The following CDK15 variants were observed in gnomAD, a reference collection of about 807,000 sequenced individuals.
The protein encoded by CDK15 is cyclin-dependent kinase 15.
A neutral mutation model predicts 60.3 loss-of-function variants in CDK15; 62 were observed. The ratio of observed to expected loss-of-function variants is 1.03; its 90% CI spans 0.84 to 1.27. The LOEUF is 1.27. CDK15 is among the 50% of genes most tolerant of loss of function. CDK15 has a pLI of 0.00. For missense variants in CDK15, 541 were observed against 527.8 expected, an observed-to-expected ratio of 1.03 and a Z score of -0.25; for synonymous variants, 194 against 195.7, an observed-to-expected ratio of 0.99 and a Z score of 0.07.
intron 4 of CDK15, among the ~76,000 whole-genome samples, chr2:201,814,684 G>T (rs917715280): frequency 8.5e-5 from 13 of 152,160 alleles, no homozygotes; most frequent in Admixed American, 1.3e-4. Context: ...CAACCGAAAG[G>T]CACGTGCAGG....
chr2:201,872,470 C>T (rs1045072714), intron 11 of CDK15, 144 bp downstream of exon 11: 18 of 780,410 alleles, frequency 2.3e-5, no homozygotes, highest in African/African-American at 7.0e-5. Flanking sequence ...CCTCTGGAAG[C>T]GCCAGACCCC....
At chr2:201,823,624 A>G in intron 5 of CDK15, 41 bp from the exon 6 acceptor site, 1 of 1,559,318 alleles carries the variant, frequency 6.4e-7, no homozygotes, top group South Asian at 1.1e-5. Flanking sequence ...TCTAAGCACC[A>G]CTAAATTCAC....
chr2:201,885,733 A>G (rs1238083367), intron 12 of CDK15, among the ~76,000 whole-genome samples: 1 of 152,252 alleles, frequency 6.6e-6, no homozygotes, highest in Non-Finnish European at 1.5e-5. Flanking sequence ...AGAGTTATTT[A>G]TAAAGGATCT....
chr2:201,890,602 G>A (rs772626343), intron 12 of CDK15, among the ~76,000 whole-genome samples, 183 bp from the exon 13 acceptor site: 17 of 152,212 alleles, frequency 1.1e-4, no homozygotes, highest in Non-Finnish European at 2.2e-4. Flanking sequence ...TAAATAGAAG[G>A]CACTTGCCAA....
chr2:201,866,010 A>ATGTGTGTGTG (rs72270010), intron 10 of CDK15, among the ~76,000 whole-genome samples: 222 of 139,730 alleles, frequency 1.6e-3, no homozygotes, highest in African/African-American at 2.4e-3. Flanking sequence ...ACATGAGTGA[A>ATGTGTGTGTG]TGTGTGTGTG....
intron 10 of CDK15, among the ~76,000 whole-genome samples, chr2:201,857,635 G>A (rs1698202860): frequency 6.6e-6 from 1 of 152,158 alleles, no homozygotes; most frequent in Non-Finnish European, 1.5e-5. Context: ...CTGAGCTTAT[G>A]GAGCAAAGGG....
chr2:201,823,633 A>T, intron 5 of CDK15, 32 bp from the exon 6 acceptor site: 1 of 1,590,828 alleles, frequency 6.3e-7, no homozygotes, highest in South Asian at 1.1e-5. Context: ...CACTAAATTC[A>T]CTCACTTCTC....
chr2:201,885,075 G>A (rs1699411283), intron 12 of CDK15, among the ~76,000 whole-genome samples: 1 of 152,150 alleles, frequency 6.6e-6, no homozygotes, highest in Non-Finnish European at 1.5e-5. Flanking sequence ...GGAATGTCGT[G>A]TTCCTCTCAA....
intron 10 of CDK15, among the ~76,000 whole-genome samples, chr2:201,863,323 A>G (rs1698472932): frequency 6.6e-6 from 1 of 152,156 alleles, no homozygotes; most frequent in African/African-American, 2.4e-5. Flanking sequence ...AGTGAGTGAA[A>G]GCAGGTAAAA....
rs1453170878 is a variant in CDK15 at position 201,894,599 on chromosome 2, T to C, written c.*1332T>C. The C allele has an allele frequency of 6.6e-6, 1 of 152,196 alleles. No individual in the cohort carries two copies. Among genetic ancestry groups the C allele is most frequent in the Non-Finnish European group, 1.5e-5 (1 of 68,042 alleles). The allele number at this position is 152,196 out of a possible 1,614,324, so 9.4% of individuals were successfully genotyped here. On this transcript the variant is annotated 3_prime_UTR_variant, in exon 14 of 14. Coordinates refer to ENST00000652192, the MANE Select transcript of CDK15 (RefSeq NM_001366386.2). ...TATTAATTACTCGAATAAATCAGAG[T>C]ACATGGACAACTTTATACAACTCCT... is the stretch of plus-strand genomic sequence containing the variant.
At chr2:201,837,337 GAGA>G (rs1697146167) in intron 8 of CDK15, among the ~76,000 whole-genome samples, 1 of 135,246 alleles carries the variant, frequency 7.4e-6, no homozygotes, top group Non-Finnish European at 1.6e-5. Context: ...GAAAGGAAAA[GAGA>G]AGGAGAGGGA....
chr2:201,891,045 CGCCA>C, intron 13 of CDK15, 118 bp downstream of exon 13: 1 of 572,282 alleles, frequency 1.7e-6, no homozygotes, highest in Non-Finnish European at 3.1e-6. Flanking sequence ...AGTTCTTCTT[CGCCA>C]GCTCTAGGAC....
chr2:201,823,882 G>GT (rs1553521411), intron 6 of CDK15, among the ~76,000 whole-genome samples, 155 bp downstream of exon 6: 11 of 150,888 alleles, frequency 7.3e-5, no homozygotes, highest in East Asian at 1.9e-4. Flanking sequence ...TTTCGTTTTT[G>GT]TTTTTTTTTA....
chr2:201,840,887 G>C (rs548377210), intron 8 of CDK15, among the ~76,000 whole-genome samples: 2 of 152,088 alleles, frequency 1.3e-5, no homozygotes, highest in African/African-American at 2.4e-5. Context: ...TACCCTGTTT[G>C]GTATATCTTG....
rs1177531342 is a variant in CDK15, at chr2:201,847,233, A to G, written c.852-148A>G. Reference sequence around the variant, plus strand: ...TGTTCTTATTTTGTTTGACATAGGGACTTTTTTTTTGGCCCAAGACTTTTA... The same window carrying G: ...TGTTCTTATTTTGTTTGACATAGGGGCTTTTTTTTTGGCCCAAGACTTTTA... On this transcript the variant is annotated intron_variant, in intron 8 of 13. Transcript: ENST00000652192. 6 of 675,424 alleles carry G rather than the reference A, an allele frequency of 8.9e-6. No individual in the cohort carries two copies. The African/African-American group carries it at 9.1e-5, about 10-fold the overall frequency. The allele number at this position is 675,424 out of a possible 1,614,324, so 41.8% of individuals were successfully genotyped here.
intron 9 of CDK15, 108 bp from the exon 10 acceptor site, chr2:201,854,766 C>A: frequency 1.1e-6 from 1 of 872,770 alleles, no homozygotes; most frequent in Non-Finnish European, 1.9e-6. Flanking sequence ...GGACATACAT[C>A]TGACGCTTCC....
chr2:201,856,801 T>G (rs1346970797), intron 10 of CDK15, among the ~76,000 whole-genome samples: 1 of 152,094 alleles, frequency 6.6e-6, no homozygotes, highest in East Asian at 1.9e-4. Context: ...TCCCCCAAAC[T>G]TCAGACATTT....
rs531116269 is a variant in CDK15, at chr2:201,852,341, T to C, written c.946-2533T>C. 2.6e-5 allele frequency among the ~76,000 whole-genome samples: 4 copies of C among 152,190 alleles called. No individual in the cohort carries two copies. In the East Asian group the frequency reaches 7.7e-4, roughly 29 times the overall value. Reference sequence around the variant, plus strand: ...AAATCTCCTAACCTCTAACCATAATTTGTTCTATATTTATCCTGAGATCTC... The same window carrying C: ...AAATCTCCTAACCTCTAACCATAATCTGTTCTATATTTATCCTGAGATCTC... On this transcript the variant is annotated intron_variant, in intron 9 of 13. Coordinates refer to ENST00000652192, the MANE Select transcript of CDK15 (RefSeq NM_001366386.2).
intron 4 of CDK15, among the ~76,000 whole-genome samples, chr2:201,819,655 G>A (rs541470648): frequency 1.3e-5 from 2 of 152,310 alleles, no homozygotes; most frequent in South Asian, 4.1e-4. Flanking sequence ...TTGGTCCAGG[G>A]TGCTGGCAGA....
Sources: gnomAD v4.1 joint callset for allele counts (sites outside exome capture counted in the v4.1 genomes callset) on GRCh38, gnomAD v4.1.1 for gene constraint, MANE v1.5 for transcripts, NCBI Gene and HGNC (gene_info 2026-07-23, HGNC 2026-07-21) for gene names.